The following ARAP2 variants were observed in gnomAD, a reference collection of about 807,000 sequenced individuals.
The protein encoded by ARAP2 is arf-GAP with Rho-GAP domain, ANK repeat and PH domain-containing protein 2.
Under a neutral mutation model 194.5 loss-of-function variants are expected in ARAP2, and 148 were observed. The observed-to-expected ratio is 0.76, with a 90% CI of 0.67 to 0.87. ARAP2 has a LOEUF of 0.87. Among genes scored for constraint, ARAP2 ranks in the 40% least tolerant of loss-of-function variants. ARAP2 has a pLI of 0.00. For missense variants in ARAP2, 2,128 were observed against 1,989.7 expected (o/e 1.07, Z -1.32); for synonymous variants, 695 against 683.5 (o/e 1.02, Z -0.26).
chr4:36,151,837 TACTC>T (rs1166007066), intron 15 of ARAP2, among the ~76,000 whole-genome samples: 2 of 152,198 alleles, frequency 1.3e-5, no homozygotes, highest in Non-Finnish European at 2.9e-5. Context: ...TATATACACA[TACTC>T]AGAAAGAAAA....
chr4:36,129,726 G>A (rs1724941253), intron 20 of ARAP2, among the ~76,000 whole-genome samples: 1 of 151,134 alleles, frequency 6.6e-6, no homozygotes, highest in South Asian at 2.1e-4. Context: ...CTGCCCACTG[G>A]GTGAGAACCC....
chr4:36,239,200 CAGTGGGCGG>C, intron 1 of ARAP2, among the ~76,000 whole-genome samples: 1 of 151,602 alleles, frequency 6.6e-6, no homozygotes, highest in South Asian at 2.1e-4. Flanking sequence ...CGCTTGAACC[CAGTGGGCGG>C]AGGTTGCAGT....
chr4:36,090,531 C>A (rs1321449350), intron 28 of ARAP2, among the ~76,000 whole-genome samples: 1 of 152,014 alleles, frequency 6.6e-6, no homozygotes, highest in East Asian at 1.9e-4. Flanking sequence ...TTGAATTCAC[C>A]AGCACACCAA....
intron 31 of ARAP2, 69 bp from the exon 32 acceptor site, chr4:36,073,892 C>T: frequency 6.4e-7 from 1 of 1,553,740 alleles, no homozygotes; most frequent in Non-Finnish European, 8.8e-7. Flanking sequence ...CATAAAGCCA[C>T]TTGGTTTCTT....
At chr4:36,057,931 G>GAAAAAAAA in intron 2 of ARAP2, 1 of 142,160 alleles carries the variant, frequency 7.0e-6, no homozygotes, top group Non-Finnish European at 1.5e-5. Context: ...GCCAGAAATT[G>GAAAAAAAA]AAAAAAAAAA....
chr4:36,040,198 T>A (rs75254713), intron 5 of ARAP2, among the ~76,000 whole-genome samples: 4,830 of 152,318 alleles, frequency 0.032, 251 homozygotes, highest in African/African-American at 0.1. Context: ...ACTTTGTTAT[T>A]CCTTCCAATG....
intron 28 of ARAP2, among the ~76,000 whole-genome samples, chr4:36,089,433 A>AAGT (rs1712911626): frequency 6.6e-6 from 1 of 152,130 alleles, no homozygotes; most frequent in Non-Finnish European, 1.5e-5. Flanking sequence ...AAGTGAGTAC[A>AAGT]AGTAGTTGTA....
chr4:36,006,269 G>A (rs1438448142), intron 10 of ARAP2: 1 of 152,122 alleles, frequency 6.6e-6, no homozygotes, highest in Non-Finnish European at 1.5e-5. Flanking sequence ...GCAGAAAAAC[G>A]GACAGCTAAG....
chr4:36,051,421 G>A (rs1722651483), intron 3 of ARAP2, among the ~76,000 whole-genome samples: 1 of 152,076 alleles, frequency 6.6e-6, no homozygotes, highest in South Asian at 2.1e-4. Flanking sequence ...AGGTTACAAT[G>A]AGTTGAAATC....
chr4:36,131,196 A>G (rs1455153446), intron 20 of ARAP2, among the ~76,000 whole-genome samples: 1 of 151,672 alleles, frequency 6.6e-6, no homozygotes, highest in Non-Finnish European at 1.5e-5. Flanking sequence ...TGCTGGCAGC[A>G]TTGAGGTTTC....
Position 36,073,648 on chromosome 4 carries a change from A to G in ARAP2, c.4743+41T>C, listed in dbSNP as rs180888438. On this transcript the variant is annotated intron_variant, in intron 32 of 32. Coordinates refer to ENST00000303965, the MANE Select transcript of ARAP2 (RefSeq NM_015230.4). The stretch of plus-strand genomic sequence containing the variant: ...ATCACATTATGACACAGGAAAATAT[A>G]TTCTATAATTGAATATAAAACAAAC... 143 of 1,592,618 alleles carry G rather than the reference A, an allele frequency of 9.0e-5. No individual in the cohort carries two copies. In the East Asian group the frequency reaches 3.0e-3, roughly 34 times the overall value.
At chr4:36,145,852 C>T (rs1229857676) in intron 19 of ARAP2, among the ~76,000 whole-genome samples, 4 of 151,840 alleles carry the variant, frequency 2.6e-5, no homozygotes, top group Non-Finnish European at 4.4e-5. Context: ...TGAGGTGAAC[C>T]CGTCCAGTTC....
chr4:36,171,195 A>G (rs1461596300), intron 9 of ARAP2, among the ~76,000 whole-genome samples: 1 of 152,238 alleles, frequency 6.6e-6, no homozygotes, highest in Non-Finnish European at 1.5e-5. Flanking sequence ...ATTATAAATC[A>G]TGCTGCTATA....
At chr4:36,119,529 C>A in intron 24 of ARAP2, 121 bp downstream of exon 24, 1 of 507,280 alleles carries the variant, frequency 2.0e-6, no homozygotes. Context: ...TTTTTTTTTT[C>A]ACTCATTACT....
chr4:36,160,362 T>A, intron 13 of ARAP2, 97 bp downstream of exon 13: 2 of 1,283,586 alleles, frequency 1.6e-6, no homozygotes, highest in Non-Finnish European at 2.0e-6. Context: ...AATAATTTTG[T>A]CAGATAGTAT....
chr4:36,161,199 C>G (rs1733860320), intron 12 of ARAP2, among the ~76,000 whole-genome samples: 1 of 149,678 alleles, frequency 6.7e-6, no homozygotes, highest in African/African-American at 2.5e-5. Context: ...ATATACAGTT[C>G]TAGCATTAAA....
At chr4:36,044,247 C>T (rs565497109) in intron 5 of ARAP2, among the ~76,000 whole-genome samples, 1 of 152,220 alleles carries the variant, frequency 6.6e-6, no homozygotes, top group East Asian at 1.9e-4. Flanking sequence ...AACTAGAGGC[C>T]ATTCATGATC....
chr4:36,116,883 T>C (rs1189065837), intron 25 of ARAP2, among the ~76,000 whole-genome samples, 178 bp downstream of exon 25: 1 of 151,764 alleles, frequency 6.6e-6, no homozygotes, highest in Non-Finnish European at 1.5e-5. Flanking sequence ...GATGTTCTCT[T>C]TCCAAACGAT....
At chr4:36,075,944 C>T (rs561317350) in intron 31 of ARAP2, among the ~76,000 whole-genome samples, 8 of 152,258 alleles carry the variant, frequency 5.3e-5, no homozygotes, top group African/African-American at 1.4e-4. Context: ...TTACTTCTCT[C>T]CTTTGCCTCT....
Sources: gnomAD v4.1 joint callset for allele counts (sites outside exome capture counted in the v4.1 genomes callset) on GRCh38, gnomAD v4.1.1 for gene constraint, MANE v1.5 for transcripts, NCBI Gene and HGNC (gene_info 2026-07-23, HGNC 2026-07-21) for gene names.